Variants in GRID1 observed in about 807,000 individuals in gnomAD.
The protein encoded by GRID1 is glutamate ionotropic receptor delta type subunit 1, also known as glutamate receptor ionotropic, delta-1.
GRID1 carries 28 observed loss-of-function variants against 98.0 expected under a neutral mutation model. The ratio of observed to expected loss-of-function variants is 0.29; its 90% CI spans 0.21 to 0.39. GRID1 has a LOEUF of 0.39. Among genes scored for constraint, GRID1 ranks in the 10% least tolerant of loss-of-function variants. The pLI, the probability that GRID1 is intolerant of heterozygous loss-of-function variation, is 1.00. For synonymous variants in GRID1, 553 were observed against 538.5 expected (o/e 1.03, Z -0.37); for missense variants, 1,111 against 1,340.5 (o/e 0.83, Z 2.67).
chr10:86,122,402 A>G (rs1844689728), intron 4 of GRID1, among the ~76,000 whole-genome samples: 1 of 152,206 alleles, frequency 6.6e-6, no homozygotes, highest in East Asian at 1.9e-4. Context: ...AGAGCAATTA[A>G]TGAGCCAGGG....
At chr10:86,215,373 C>T (rs1374262729) in intron 2 of GRID1, among the ~76,000 whole-genome samples, 3 of 152,222 alleles carry the variant, frequency 2.0e-5, no homozygotes, top group African/African-American at 2.4e-5. Flanking sequence ...GGCCTCATTC[C>T]TCTAACAATT....
chr10:85,858,475 T>C (rs2131783899), intron 6 of GRID1, among the ~76,000 whole-genome samples: 1 of 152,268 alleles, frequency 6.6e-6, no homozygotes, highest in Admixed American at 6.5e-5. Flanking sequence ...ATTTCCTCAA[T>C]GAGCAGGACT....
In GRID1 at chr10:86,303,456, T is replaced by C. The variant is rs201195396; in HGVS notation, c.235+60485A>G. On this transcript the variant is annotated intron_variant, in intron 2 of 15. Coordinates refer to ENST00000327946, the MANE Select transcript of GRID1 (RefSeq NM_017551.3). ...GGTTCTCTCCCCACATGACAGAGAC[T>C]GTGCTCAGCAGGAAGGAGGGGCACA... 3.0e-4 allele frequency among the ~76,000 whole-genome samples: 45 copies of C among 152,196 alleles called. No homozygotes were observed. In the East Asian group the frequency reaches 5.2e-3, roughly 18 times the overall value.
At chr10:86,091,154 G>A (rs191125182) in intron 4 of GRID1, among the ~76,000 whole-genome samples, 1 of 152,148 alleles carries the variant, frequency 6.6e-6, no homozygotes, top group Non-Finnish European at 1.5e-5. Flanking sequence ...CTTGGGGAAG[G>A]GCACAAATCT....
intron 8 of GRID1, among the ~76,000 whole-genome samples, chr10:85,788,513 T>G (rs1842450463): frequency 6.6e-6 from 1 of 152,302 alleles, no homozygotes; most frequent in South Asian, 2.1e-4. Flanking sequence ...GTGGGGCCAG[T>G]GAAGTTTTCT....
chr10:86,000,423 C>A (rs935597526), intron 4 of GRID1, among the ~76,000 whole-genome samples: 2 of 152,110 alleles, frequency 1.3e-5, no homozygotes, highest in Non-Finnish European at 2.9e-5. Flanking sequence ...ATAATATGGA[C>A]AAGCCATTTC....
rs1276339309 is a variant in GRID1 at position 86,348,949 on chromosome 10, C to T, written c.235+14992G>A. Among the ~76,000 whole-genome samples the T allele has an allele frequency of 3.3e-5, 5 of 152,372 alleles. No individual in the cohort carries two copies. The East Asian group carries it at 9.6e-4, about 29-fold the overall frequency. On this transcript the variant is annotated intron_variant, in intron 2 of 15. Coordinates refer to ENST00000327946, the MANE Select transcript of GRID1 (RefSeq NM_017551.3). Reference sequence around the variant, plus strand: ...ACAACTACAGAGCTTCAAAGCCCTTCTAGCCCCTGCTCACCAGGAAGGGTC... The same window carrying T: ...ACAACTACAGAGCTTCAAAGCCCTTTTAGCCCCTGCTCACCAGGAAGGGTC...
intron 4 of GRID1, among the ~76,000 whole-genome samples, chr10:86,065,740 C>T (rs1843711269): frequency 6.6e-6 from 1 of 152,230 alleles, no homozygotes; most frequent in Non-Finnish European, 1.5e-5. Flanking sequence ...CCTCAGCCCT[C>T]TTATGTCTGG....
intron 2 of GRID1, among the ~76,000 whole-genome samples, chr10:86,354,951 T>A (rs1428578209): frequency 1.3e-5 from 2 of 152,030 alleles, no homozygotes; most frequent in African/African-American, 2.4e-5. Flanking sequence ...AAGCTGCACA[T>A]CTCCCCCGCC....
chr10:86,277,812 T>C (rs556048679), intron 2 of GRID1, among the ~76,000 whole-genome samples: 1 of 152,142 alleles, frequency 6.6e-6, no homozygotes, highest in African/African-American at 2.4e-5. Flanking sequence ...TTAACAGACA[T>C]ACTGAAAACA....
At chr10:86,154,583 T>C (rs887486271) in intron 3 of GRID1, among the ~76,000 whole-genome samples, 1 of 152,160 alleles carries the variant, frequency 6.6e-6, no homozygotes, top group Non-Finnish European at 1.5e-5. Flanking sequence ...CTGCAGATCC[T>C]GGGAATCTTT....
intron 3 of GRID1, among the ~76,000 whole-genome samples, chr10:86,186,908 G>A (rs958545982): frequency 6.6e-6 from 1 of 151,656 alleles, no homozygotes; most frequent in Non-Finnish European, 1.5e-5. Context: ...AGCAAACTGA[G>A]GTAGAGAGAC....
intron 4 of GRID1, among the ~76,000 whole-genome samples, chr10:85,955,462 C>T (rs986086728): frequency 2.0e-5 from 3 of 152,148 alleles, no homozygotes; most frequent in Non-Finnish European, 4.4e-5. Flanking sequence ...TCCAGCTGGC[C>T]TCTGCCCGGT....
At chr10:86,099,843 G>A (rs184637175) in intron 4 of GRID1, among the ~76,000 whole-genome samples, 79 of 152,300 alleles carry the variant, frequency 5.2e-4, no homozygotes, top group Non-Finnish European at 9.4e-4. Flanking sequence ...GCTGGGGGTG[G>A]CACAGGACAG....
chr10:85,638,518 A>G (rs545163630), intron 13 of GRID1, among the ~76,000 whole-genome samples: 5 of 152,318 alleles, frequency 3.3e-5, no homozygotes, highest in African/African-American at 1.2e-4. Flanking sequence ...ATGGAACAGA[A>G]TAGAGAGTCC....
intron 5 of GRID1, among the ~76,000 whole-genome samples, chr10:85,871,756 G>A (rs1843280557): frequency 6.6e-6 from 1 of 152,208 alleles, no homozygotes; most frequent in South Asian, 2.1e-4. Flanking sequence ...ATATGTGTGT[G>A]AAGCCTGGTC....
intron 13 of GRID1, among the ~76,000 whole-genome samples, chr10:85,634,737 A>G (rs1005209715): frequency 6.6e-6 from 1 of 152,170 alleles, no homozygotes; most frequent in Admixed American, 6.5e-5. Context: ...AAGTGGAAAT[A>G]AAAATAAGCT....
intron 12 of GRID1, among the ~76,000 whole-genome samples, chr10:85,658,540 C>T (rs968918140): frequency 6.6e-6 from 1 of 152,204 alleles, no homozygotes; most frequent in Non-Finnish European, 1.5e-5. Context: ...ATATTAGTAT[C>T]ATCCTATGGT....
intron 8 of GRID1, among the ~76,000 whole-genome samples, chr10:85,739,128 T>C (rs1430618053): frequency 6.6e-6 from 1 of 152,134 alleles, no homozygotes; most frequent in Non-Finnish European, 1.5e-5. Flanking sequence ...TTAAGGTTTA[T>C]TTAGATACAA....
Sources: gnomAD v4.1 joint callset for allele counts (sites outside exome capture counted in the v4.1 genomes callset) on GRCh38, gnomAD v4.1.1 for gene constraint, MANE v1.5 for transcripts, NCBI Gene and HGNC (gene_info 2026-07-23, HGNC 2026-07-21) for gene names.